MYBL1: variants seen among roughly 807,000 people sequenced by gnomAD.
The protein encoded by MYBL1 is myb-related protein A.
Under a neutral mutation model 96.3 loss-of-function variants are expected in MYBL1, and 17 were observed. That is an observed-to-expected ratio of 0.18 (90% CI 0.12 to 0.26). The LOEUF (loss-of-function observed/expected upper bound fraction) is 0.26, where lower values mean the gene tolerates loss of function less well. Among genes scored for constraint, MYBL1 ranks in the 10% least tolerant of loss-of-function variants. The probability of loss-of-function intolerance (pLI) is 1.00; values close to 1 mark genes in which losing one functional copy is unlikely to be tolerated. For missense variants in MYBL1, 701 were observed against 882.9 expected (o/e 0.79, Z 2.61); for synonymous variants, 282 against 292.7 (o/e 0.96, Z 0.37).
chr8:66,576,140 A>T lies in MYBL1; in HGVS notation c.1337T>A (p.Ile446Asn). 6.2e-7 allele frequency: 1 copy of T among 1,613,946 alleles called. No homozygotes were observed. Among genetic ancestry groups the T allele is most frequent in the Non-Finnish European group, 8.5e-7 (1 of 1,179,886 alleles). The change falls in exon 10 of 16, where the codon ATC (isoleucine) becomes AAC (asparagine). Residue 446 changes from isoleucine to asparagine, a missense_variant. This residue lies in a region of MYBL1 where 396 missense variants were observed against 407.4 expected (regional missense o/e 0.97). Transcript: ENST00000522677. Reference protein sequence around the residue: ...NIAKFSTPPAILRKKRKMRVG... With the variant: ...NIAKFSTPPANLRKKRKMRVG... ...TCGCATTTTTCTCTTCTTTCTGAGG[A>T]TGGCTGGTGGAGTGCTAAACTTGGC...
intron 1 of MYBL1, among the ~76,000 whole-genome samples, chr8:66,604,946 T>A (rs1810253443): frequency 6.6e-6 from 1 of 152,118 alleles, no homozygotes; most frequent in South Asian, 2.1e-4. Context: ...CTAGCTGTTT[T>A]CAAGGTACTT....
chr8:66,576,399 A>T, intron 9 of MYBL1, 24 bp from the exon 10 acceptor site: 1 of 1,575,334 alleles, frequency 6.3e-7, no homozygotes, highest in Middle Eastern at 1.7e-4. Context: ...AACTGTTAAT[A>T]AAGTTAATGC....
intron 9 of MYBL1, among the ~76,000 whole-genome samples, chr8:66,579,514 G>C (rs1020590603): frequency 6.6e-5 from 10 of 151,896 alleles, no homozygotes; most frequent in Non-Finnish European, 1.5e-4. Flanking sequence ...AAAATTAGCT[G>C]GGTGTGGTGG....
At chr8:66,598,674 T>C (rs2129984617) in intron 4 of MYBL1, among the ~76,000 whole-genome samples, 1 of 152,324 alleles carries the variant, frequency 6.6e-6, no homozygotes, top group East Asian at 1.9e-4. Flanking sequence ...ATGACTTCCG[T>C]GCATATCAAG....
At chr8:66,594,324 C>T (rs533520778) in intron 6 of MYBL1, among the ~76,000 whole-genome samples, 114 of 152,154 alleles carry the variant, frequency 7.5e-4, no homozygotes, top group African/African-American at 2.6e-3. Context: ...GAATTAGAAA[C>T]GTATCTTTCC....
At chr8:66,592,360 G>T in intron 8 of MYBL1, 80 bp downstream of exon 8, 1 of 932,466 alleles carries the variant, frequency 1.1e-6, no homozygotes, top group Non-Finnish European at 1.6e-6. Flanking sequence ...GTCATACTGA[G>T]TATGCTTTCT....
chr8:66,572,087 A>C (rs1437503630), intron 12 of MYBL1, among the ~76,000 whole-genome samples: 1 of 115,928 alleles, frequency 8.6e-6, no homozygotes, highest in African/African-American at 3.3e-5. Context: ...GGTGGGGGGG[A>C]GGGGGGTGGA....
chr8:66,592,556 T>G lies in MYBL1; in HGVS notation c.763-12A>C, dbSNP rs1809691663. 3 of 1,480,270 alleles carry G rather than the reference T, an allele frequency of 2.0e-6. No homozygotes were observed. Among genetic ancestry groups the G allele is most frequent in the Non-Finnish European group, 2.8e-6 (3 of 1,086,810 alleles). The allele number at this position is 1,480,270 out of a possible 1,614,324, so 91.7% of individuals were successfully genotyped here. On this transcript the variant is annotated splice_polypyrimidine_tract_variant and intron_variant, in intron 7 of 15. Transcript: ENST00000522677. ...TCAATGAAGGGTTGCTAAAATAAGT[T>G]AAATAAAAGAGAAAACAGGATGCTT...
At chr8:66,565,075 G>C (rs1055676811) in intron 15 of MYBL1, 1 of 197,976 alleles carries the variant, frequency 5.1e-6, no homozygotes, top group African/African-American at 2.3e-5. Context: ...TATGGAGGCA[G>C]TTTAAAAGTC....
intron 12 of MYBL1, among the ~76,000 whole-genome samples, chr8:66,571,588 G>T (rs1485354239): frequency 6.6e-6 from 1 of 152,116 alleles, no homozygotes; most frequent in Non-Finnish European, 1.5e-5. Flanking sequence ...TCAGTATTAA[G>T]AAAAGTGTTC....
rs557494277 is a variant in MYBL1 at position 66,608,940 on chromosome 8, A to G, written c.20+3879T>C. ...CCAGAATGATTCTGCCAGTTTACCT[A>G]AGTCAAAGAAAATATTTATGTGATA... On this transcript the variant is annotated intron_variant, in intron 1 of 15. Coordinates refer to ENST00000522677, the MANE Select transcript of MYBL1 (RefSeq NM_001080416.4). Among the ~76,000 whole-genome samples the G allele has an allele frequency of 5.3e-5, 8 of 152,238 alleles. No individual in the cohort carries two copies. In the South Asian group the frequency reaches 1.5e-3, roughly 28 times the overall value.
intron 8 of MYBL1, among the ~76,000 whole-genome samples, chr8:66,582,697 G>A (rs912973569): frequency 6.7e-6 from 1 of 149,002 alleles, no homozygotes; most frequent in South Asian, 2.1e-4. Context: ...CAGCCTGGGG[G>A]GACGGAGTGA....
At chr8:66,580,792 C>T (rs1441930834) in intron 8 of MYBL1, among the ~76,000 whole-genome samples, 1 of 152,046 alleles carries the variant, frequency 6.6e-6, no homozygotes, top group African/African-American at 2.4e-5. Flanking sequence ...AGTGCCTTTG[C>T]ACATATTGCT....
intron 8 of MYBL1, among the ~76,000 whole-genome samples, chr8:66,585,265 A>G (rs1483920096): frequency 6.6e-6 from 1 of 152,224 alleles, no homozygotes; most frequent in African/African-American, 2.4e-5. Context: ...ACACTGATGG[A>G]AGAAGAGAGA....
intron 8 of MYBL1, among the ~76,000 whole-genome samples, chr8:66,589,336 AG>A (rs1222985539): frequency 6.6e-6 from 1 of 151,034 alleles, no homozygotes; most frequent in Non-Finnish European, 1.5e-5. Flanking sequence ...TTTTTGAGAC[AG>A]GTTCTTGCTC....
intron 9 of MYBL1, among the ~76,000 whole-genome samples, chr8:66,576,781 C>T (rs1808969897): frequency 6.6e-6 from 1 of 152,070 alleles, no homozygotes; most frequent in Non-Finnish European, 1.5e-5. Context: ...TACTTTGATC[C>T]AGAAATTCAA....
At chr8:66,581,568 C>G (rs1265384671) in intron 8 of MYBL1, among the ~76,000 whole-genome samples, 1 of 151,914 alleles carries the variant, frequency 6.6e-6, no homozygotes, top group Non-Finnish European at 1.5e-5. Flanking sequence ...TCCCAGAACT[C>G]GAGAGGCTGA....
At position 66,601,728 on chromosome 8, in the gene MYBL1, A is replaced by T. The variant is rs1044603853; in HGVS notation, c.168T>A (p.Asp56Glu). Residue 56 changes from aspartate to glutamate, a missense_variant, in exon 3 of 16, where the codon GAT becomes GAA. By Grantham distance (45) the Asp-to-Glu change is conservative. Around this residue, in one of 5 missense-constraint regions of MYBL1, gnomAD observed 68 missense variants for 93.8 expected, o/e 0.72. Coordinates refer to ENST00000522677, the MANE Select transcript of MYBL1 (RefSeq NM_001080416.4). ...LKKLVEQHGTDDWTLIASHLQ... is the reference protein window; with the variant it reads ...LKKLVEQHGTEDWTLIASHLQ... ...GATGACTAGCAATTAGAGTCCAATC[A>T]TCAGTTCCATGTTGTTCAACCAACT... 1 of 1,528,144 alleles carries T rather than the reference A, an allele frequency of 6.5e-7. No individual in the cohort carries two copies. The highest frequency in any genetic ancestry group is 1.4e-5 in the African/African-American group (1 of 72,504). The allele number at this position is 1,528,144 out of a possible 1,614,324, so 94.7% of individuals were successfully genotyped here. A position where few individuals can be genotyped will look rare whatever the true frequency, so the allele number is the denominator to read the frequency against.
intron 4 of MYBL1, among the ~76,000 whole-genome samples, chr8:66,598,028 T>A (rs531996484): frequency 1.3e-5 from 2 of 152,224 alleles, no homozygotes; most frequent in East Asian, 3.9e-4. Flanking sequence ...TCACCTAAAA[T>A]TGCAAGAATA....
Sources: gnomAD v4.1 joint callset for allele counts (sites outside exome capture counted in the v4.1 genomes callset) on GRCh38, gnomAD v4.1.1 for gene constraint, gnomAD v4.1.1 regional missense constraint, MANE v1.5 for transcripts, NCBI Gene and HGNC (gene_info 2026-07-23, HGNC 2026-07-21) for gene names.